Variants in NF1 observed in about 807,000 individuals in gnomAD.
The protein encoded by NF1 is neurofibromin 1.
Under a neutral mutation model 325.7 loss-of-function variants are expected in NF1, and 122 were observed. The observed-to-expected ratio is 0.37, with a 90% CI of 0.32 to 0.44. The LOEUF is 0.44. NF1 is among the 20% of genes least tolerant of loss of function. NF1 has a pLI of 1.00. For synonymous variants in NF1, 1,091 were observed against 1,186.0 expected, an observed-to-expected ratio of 0.92 and a Z score of 1.65; for missense variants, 2,140 against 3,415.4, an observed-to-expected ratio of 0.63 and a Z score of 9.31.
chr17:31,101,284 A>G (rs945268735), intron 1 of NF1, among the ~76,000 whole-genome samples: 1 of 151,898 alleles, frequency 6.6e-6, no homozygotes, highest in Non-Finnish European at 1.5e-5. Context: ...AAGACACAAT[A>G]CTTTTCTACT....
At chr17:31,143,199 T>C (rs1367383495) in intron 1 of NF1, among the ~76,000 whole-genome samples, 1 of 152,146 alleles carries the variant, frequency 6.6e-6, no homozygotes, top group African/African-American at 2.4e-5. Context: ...AATTATTCTT[T>C]AGTATTTGTC....
At chr17:31,356,303 A>G (rs2070268874) in intron 51 of NF1, 157 bp from the exon 52 acceptor site, 2 of 677,454 alleles carry the variant, frequency 3.0e-6, no homozygotes, top group Admixed American at 5.7e-5. Flanking sequence ...AAGATGGAAA[A>G]TAAAGGAAAG....
rs1597719677 is a variant in NF1 at position 31,232,868 on chromosome 17, C to T, written c.3483C>T (p.Leu1161=). The change falls in exon 26 of 58, where the codon CTC becomes CTT. Residue 1161 remains leucine (L), a synonymous_variant. Coordinates refer to ENST00000358273, the MANE Select transcript of NF1 (RefSeq NM_001042492.3). ...NLLNANVDSG[L]MHSIGLGYHK... The stretch of plus-strand genomic sequence containing the variant: ...TCAATGCCAACGTAGACAGTGGTCT[C>T]ATGCACTCCATAGGTGAGATCAAAT... The T allele has an allele frequency of 6.2e-7, 1 of 1,614,048 alleles. No individual in the cohort carries two copies. Among genetic ancestry groups the T allele is most frequent in the Non-Finnish European group, 8.5e-7 (1 of 1,179,986 alleles).
intron 1 of NF1, among the ~76,000 whole-genome samples, chr17:31,113,460 T>G (rs1378287917): frequency 6.6e-6 from 1 of 152,088 alleles, no homozygotes; most frequent in Non-Finnish European, 1.5e-5. Context: ...CCCAGGCTGG[T>G]CTCGAGCACC....
In NF1 at chr17:31,258,417, C is replaced by T. The variant is rs1555618521; in HGVS notation, c.4247C>T (p.Pro1416Leu). The change falls in exon 32 of 58, where the codon CCT becomes CTT. Residue 1416 changes from proline to leucine, a missense_variant. Transcript: ENST00000358273. The stretch of plus-strand genomic sequence containing the variant: ...GCCATGTTCCTCAGATTTATCAATC[C>T]TGCCATTGTCTCACCGTATGAAGCA... ...GSAMFLRFIN[P>L]AIVSPYEAGI... The T allele has an allele frequency of 6.2e-7, 1 of 1,613,908 alleles. No individual in the cohort carries two copies. The highest frequency in any genetic ancestry group is 8.5e-7 in the Non-Finnish European group (1 of 1,179,902).
rs1230353186 is a variant in NF1, at chr17:31,349,209, G to T, written c.7279G>T (p.Asp2427Tyr). 1 of 1,613,466 alleles carries T rather than the reference G, an allele frequency of 6.2e-7. No individual in the cohort carries two copies. Among genetic ancestry groups the T allele is most frequent in the South Asian group, 1.1e-5 (1 of 91,004 alleles). Reference sequence around the variant, plus strand: ...TCTGGTTAACAAACACAGAAATTGTGACAAATTTGAAGTGAATACACAGAG... The same window carrying T: ...TCTGGTTAACAAACACAGAAATTGTTACAAATTTGAAGTGAATACACAGAG... Reference protein sequence around the residue: ...LTLVNKHRNCDKFEVNTQSVA... With the variant: ...LTLVNKHRNCYKFEVNTQSVA... Residue 2427 changes from aspartate to tyrosine, a missense_variant, in exon 49 of 58, where the codon GAC becomes TAC. Around this residue, in one of 10 missense-constraint regions of NF1, gnomAD observed 522 missense variants for 749.0 expected, o/e 0.70. Transcript: ENST00000358273.
At chr17:31,163,879 AAAAAC>A (rs2065803920) in intron 4 of NF1, among the ~76,000 whole-genome samples, 1 of 152,344 alleles carries the variant, frequency 6.6e-6, no homozygotes, top group Admixed American at 6.5e-5. Flanking sequence ...TAGGTTACCA[AAAAAC>A]AAAACAAAAA....
At chr17:31,097,571 TG>T (rs1911860373) in intron 1 of NF1, among the ~76,000 whole-genome samples, 1 of 152,152 alleles carries the variant, frequency 6.6e-6, no homozygotes, top group Admixed American at 6.5e-5. Flanking sequence ...CTTCGTTGTT[TG>T]TTATGCATAT....
At chr17:31,111,770 A>G (rs1364162884) in intron 1 of NF1, among the ~76,000 whole-genome samples, 1 of 152,206 alleles carries the variant, frequency 6.6e-6, no homozygotes, top group Non-Finnish European at 1.5e-5. Context: ...TTTAGGCAGA[A>G]TGAAAATATC....
At position 31,334,905 on chromosome 17, in the gene NF1, C is replaced by T. The variant is rs1462287670; in HGVS notation, c.5880C>T (p.Cys1960=). The change falls in exon 40 of 58, where the codon TGC becomes TGT. Residue 1960 remains cysteine (C), a synonymous_variant. Coordinates refer to ENST00000358273, the MANE Select transcript of NF1 (RefSeq NM_001042492.3). ...TPWLSNLVRF[C]KHNDDAKRQR... Reference sequence around the variant, plus strand: ...GGCTGTCAAATCTAGTTCGTTTTTGCAAGCATAATGATGATGCCAAACGAC... The same window carrying T: ...GGCTGTCAAATCTAGTTCGTTTTTGTAAGCATAATGATGATGCCAAACGAC... 6.2e-7 allele frequency: 1 copy of T among 1,613,580 alleles called. No homozygotes were observed.
intron 1 of NF1, chr17:31,133,176 A>G (rs187216334): frequency 2.6e-5 from 4 of 152,248 alleles, no homozygotes; most frequent in African/African-American, 9.6e-5. Context: ...GGAAACCACC[A>G]TTCTACTTTC....
intron 3 of NF1, among the ~76,000 whole-genome samples, chr17:31,162,489 T>C (rs1250761485): frequency 1.3e-5 from 2 of 152,188 alleles, no homozygotes; most frequent in Non-Finnish European, 2.9e-5. Context: ...CGGTGAACTT[T>C]TTTGGATCCT....
intron 36 of NF1, among the ~76,000 whole-genome samples, chr17:31,311,200 AC>A (rs2068866821): frequency 6.6e-6 from 1 of 151,828 alleles, no homozygotes; most frequent in Non-Finnish European, 1.5e-5. Context: ...TGACCCACCC[AC>A]CTTGGCCTCC....
intron 36 of NF1, chr17:31,314,096 A>C (rs1021713299): frequency 2.3e-5 from 9 of 397,772 alleles, no homozygotes; most frequent in Non-Finnish European, 8.9e-6. Context: ...TTCCTCTAGC[A>C]AACTGAAATA....
chr17:31,338,147 T>G lies in NF1; in HGVS notation c.6819+8T>G, dbSNP rs2151558445. 1 of 1,567,930 alleles carries G rather than the reference T, an allele frequency of 6.4e-7. No individual in the cohort carries two copies. Among genetic ancestry groups the G allele is most frequent in the Non-Finnish European group, 8.8e-7 (1 of 1,137,964 alleles). On this transcript the variant is annotated splice_region_variant and intron_variant, in intron 45 of 57. Coordinates refer to ENST00000358273, the MANE Select transcript of NF1 (RefSeq NM_001042492.3). ...ATCCGTATTCTTAGCAAGGTACCTG[T>G]TCCGCCCTCACTTCTCCCAAATATT...
At chr17:31,226,381 T>C (rs2067013434) in intron 17 of NF1, 54 bp from the exon 18 acceptor site, 1 of 1,579,896 alleles carries the variant, frequency 6.3e-7, no homozygotes, top group Admixed American at 1.8e-5. Context: ...TGTTAGATTT[T>C]ATACATAAAA....
chr17:31,236,158 C>A, intron 29 of NF1, 137 bp downstream of exon 29: 1 of 652,426 alleles, frequency 1.5e-6, no homozygotes, highest in Non-Finnish European at 2.7e-6. Context: ...AAGTTATATA[C>A]AAATACACGT....
intron 4 of NF1, among the ~76,000 whole-genome samples, chr17:31,164,318 G>T (rs975572460): frequency 1.3e-5 from 2 of 152,296 alleles, no homozygotes; most frequent in South Asian, 2.1e-4. Context: ...CTGAGCATTA[G>T]TTGTGATATG....
At chr17:31,213,606 A>G (rs2066768397) in intron 12 of NF1, among the ~76,000 whole-genome samples, 1 of 152,202 alleles carries the variant, frequency 6.6e-6, no homozygotes, top group African/African-American at 2.4e-5. Flanking sequence ...CAAGGAAAAA[A>G]GGAAGGAGAT....
Sources: gnomAD v4.1 joint callset for allele counts (sites outside exome capture counted in the v4.1 genomes callset) on GRCh38, gnomAD v4.1.1 for gene constraint, gnomAD v4.1.1 regional missense constraint, MANE v1.5 for transcripts, NCBI Gene and HGNC (gene_info 2026-07-23, HGNC 2026-07-21) for gene names.